Variants in ANKRD45 observed in about 807,000 individuals in gnomAD.
ANKRD45 encodes ankyrin repeat domain 45, also known as ankyrin repeat domain-containing protein 45.
A neutral mutation model predicts 28.1 loss-of-function variants in ANKRD45; 21 were observed. The ratio of observed to expected loss-of-function variants is 0.75; its 90% CI spans 0.53 to 1.08. The LOEUF is 1.08. Ranked by LOEUF, ANKRD45 falls within the 50% of genes least tolerant of loss-of-function variation. The pLI, the probability that ANKRD45 is intolerant of heterozygous loss-of-function variation, is 0.00. For missense variants in ANKRD45, 261 were observed against 308.7 expected (o/e 0.85, Z 1.16); for synonymous variants, 86 against 103.9 (o/e 0.83, Z 1.05).
chr1:173,611,576 T>C (rs907448269), intron 5 of ANKRD45, among the ~76,000 whole-genome samples: 8 of 133,906 alleles, frequency 6.0e-5, no homozygotes, highest in Non-Finnish European at 1.2e-4. Flanking sequence ...AATACATACA[T>C]ACACACACAC....
chr1:173,664,456 A>T lies in ANKRD45; in HGVS notation c.-15-5023T>A, dbSNP rs1004848587. Among the ~76,000 whole-genome samples the T allele has an allele frequency of 4.6e-5, 7 of 152,300 alleles. No homozygotes were observed. The East Asian group carries it at 1.3e-3, about 29-fold the overall frequency. ...CAGCCATGAGACCTTGAAGATACTG[A>T]GAAATTCCTATTTTTGTTTCACAGG... On this transcript the variant is annotated intron_variant, in intron 1 of 5. Transcript: ENST00000333279.
At chr1:173,618,591 A>C (rs1012260062) in intron 5 of ANKRD45, among the ~76,000 whole-genome samples, 8 of 152,374 alleles carry the variant, frequency 5.3e-5, no homozygotes, top group African/African-American at 1.9e-4. Flanking sequence ...TACAGAAAAA[A>C]AGAATGAAAA....
intron 5 of ANKRD45, among the ~76,000 whole-genome samples, chr1:173,617,175 T>C (rs1667498103): frequency 6.6e-6 from 1 of 151,652 alleles, no homozygotes; most frequent in African/African-American, 2.4e-5. Flanking sequence ...ACCCAGGAGT[T>C]TTACATACTC....
the ANKRD45 span, among the ~76,000 whole-genome samples, chr1:173,681,125 T>C: frequency 2.0e-5 from 3 of 152,110 alleles, no homozygotes; most frequent in East Asian, 3.8e-4. Context: ...GAAGTTAAAG[T>C]ATAATTTTTT....
chr1:173,656,077 T>C (rs13375322), intron 2 of ANKRD45, among the ~76,000 whole-genome samples: 25,881 of 152,220 alleles, frequency 0.17, 7,327 homozygotes, highest in African/African-American at 0.59. Flanking sequence ...GGCGATGCCC[T>C]GCCCTGCTTT....
intron 3 of ANKRD45, among the ~76,000 whole-genome samples, chr1:173,641,686 G>A (rs1286633877): frequency 1.3e-5 from 2 of 152,110 alleles, no homozygotes; most frequent in South Asian, 2.1e-4. Context: ...TCGTCAGTCT[G>A]CGAAAGTAAA....
Position 173,663,254 on chromosome 1 carries a change from C to A in ANKRD45, c.-15-3821G>T, listed in dbSNP as rs545295251. On this transcript the variant is annotated intron_variant, in intron 1 of 5. Coordinates refer to ENST00000333279, the MANE Select transcript of ANKRD45 (RefSeq NM_198493.3). ...AAGCTCAGCCCATCAGGGGATCTAT[C>A]CTGCGATCTTGAATCTTGAACAAGG... Among the ~76,000 whole-genome samples, 168 of 152,264 alleles carry A rather than the reference C, an allele frequency of 1.1e-3. 1 individual carries two copies. The highest frequency in any genetic ancestry group is 3.9e-3 in the African/African-American group (162 of 41,554).
chr1:173,675,607 C>CT, the ANKRD45 span, among the ~76,000 whole-genome samples: 2 of 151,944 alleles, frequency 1.3e-5, no homozygotes, highest in Non-Finnish European at 2.9e-5. Flanking sequence ...GAGGGAGACT[C>CT]TGTCTCAAAA....
At chr1:173,624,206 C>T (rs759637146) in intron 5 of ANKRD45, among the ~76,000 whole-genome samples, 4 of 152,166 alleles carry the variant, frequency 2.6e-5, no homozygotes, top group South Asian at 2.1e-4. Flanking sequence ...TCAAAATCAC[C>T]GACAGGCCCA....
chr1:173,657,355 C>A, intron 2 of ANKRD45: 1 of 292,720 alleles, frequency 3.4e-6, no homozygotes, highest in South Asian at 2.7e-5. Flanking sequence ...GTAATCCCAG[C>A]TACTCGGGAG....
intron 5 of ANKRD45, among the ~76,000 whole-genome samples, chr1:173,612,989 T>C (rs929950795): frequency 1.3e-5 from 2 of 152,068 alleles, no homozygotes; most frequent in Non-Finnish European, 2.9e-5. Context: ...AATGCCGAGA[T>C]TGCAGCCTCT....
chr1:173,662,786 T>C (rs1281978866), intron 1 of ANKRD45, among the ~76,000 whole-genome samples: 1 of 152,120 alleles, frequency 6.6e-6, no homozygotes, highest in Non-Finnish European at 1.5e-5. Context: ...GGCCAGACTG[T>C]ACAATGCGGT....
At chr1:173,630,868 A>T (rs185352187) in intron 3 of ANKRD45, among the ~76,000 whole-genome samples, 137 of 151,104 alleles carry the variant, frequency 9.1e-4, no homozygotes, top group Admixed American at 7.9e-3. Flanking sequence ...CAAAAAATAA[A>T]AAGCAAGAAA....
At chr1:173,629,029 C>T (rs986236892) in intron 3 of ANKRD45, among the ~76,000 whole-genome samples, 1 of 152,246 alleles carries the variant, frequency 6.6e-6, no homozygotes, top group African/African-American at 2.4e-5. Flanking sequence ...TTACCCAAGA[C>T]CATTAAGACA....
At chr1:173,701,370 G>T in the ANKRD45 span, among the ~76,000 whole-genome samples, 3 of 152,148 alleles carry the variant, frequency 2.0e-5, no homozygotes, top group Non-Finnish European at 4.4e-5. Flanking sequence ...ACATGTATAC[G>T]TATGTTTACT....
At chr1:173,701,436 T>C in the ANKRD45 span, among the ~76,000 whole-genome samples, 1 of 152,154 alleles carries the variant, frequency 6.6e-6, no homozygotes. Flanking sequence ...CCACCAATGA[T>C]AGACTGGATT....
upstream of ANKRD45, among the ~76,000 whole-genome samples, chr1:173,673,623 G>C (rs1279544043): frequency 6.7e-6 from 1 of 148,558 alleles, no homozygotes; most frequent in Non-Finnish European, 1.5e-5. Context: ...GTTGCTATAA[G>C]AAAGTGATAT....
At chr1:173,635,197 A>C (rs903644386) in intron 3 of ANKRD45, 10 of 195,338 alleles carry the variant, frequency 5.1e-5, no homozygotes, top group Non-Finnish European at 1.0e-4. Context: ...ACAACAAAAA[A>C]GTATCTTTAA....
intron 1 of ANKRD45, among the ~76,000 whole-genome samples, chr1:173,663,830 A>G (rs1029698861): frequency 1.1e-4 from 17 of 152,206 alleles, no homozygotes; most frequent in Non-Finnish European, 2.2e-4. Flanking sequence ...TTAATTTTAT[A>G]TGTAAATATA....
Sources: gnomAD v4.1 joint callset for allele counts (sites outside exome capture counted in the v4.1 genomes callset) on GRCh38, gnomAD v4.1.1 for gene constraint, MANE v1.5 for transcripts, NCBI Gene and HGNC (gene_info 2026-07-23, HGNC 2026-07-21) for gene names.